Variants in KLRD1 observed in about 807,000 individuals in gnomAD.
The protein encoded by KLRD1 is killer cell lectin like receptor D1.
In KLRD1, 21 loss-of-function variants were observed where a neutral mutation model predicts 22.6. The ratio of observed to expected loss-of-function variants is 0.93; its 90% CI spans 0.66 to 1.34. The LOEUF (loss-of-function observed/expected upper bound fraction) is 1.34, where lower values mean the gene tolerates loss of function less well. Among genes scored for constraint, KLRD1 ranks in the 40% most tolerant of loss-of-function variants. The pLI is 0.00. For missense variants in KLRD1, 183 were observed against 208.6 expected (o/e 0.88, Z 0.76); for synonymous variants, 59 against 71.1 (o/e 0.83, Z 0.85).
chr12:10,300,524 C>T (rs1565464335), upstream of KLRD1, among the ~76,000 whole-genome samples: 1 of 152,202 alleles, frequency 6.6e-6, no homozygotes, highest in East Asian at 1.9e-4. Flanking sequence ...ACCATCCAGA[C>T]TTTGTTTATT....
chr12:10,250,772 C>T (rs116776758), intron 1 of KLRD1, among the ~76,000 whole-genome samples: 3,923 of 152,100 alleles, frequency 0.026, 172 homozygotes, highest in African/African-American at 0.09. Flanking sequence ...CAAGTCAGTA[C>T]GAAGTGGTTT....
chr12:10,277,711 A>T (rs1949604617), intron 1 of KLRD1, among the ~76,000 whole-genome samples: 1 of 152,194 alleles, frequency 6.6e-6, no homozygotes, highest in Admixed American at 6.5e-5. Context: ...TATACTATTT[A>T]GAAATTATAA....
chr12:10,313,649 G>T, intron 5 of KLRD1, 136 bp downstream of exon 5: 5 of 466,966 alleles, frequency 1.1e-5, no homozygotes, highest in African/African-American at 2.0e-5. Context: ...AAAGGAAAAA[G>T]TACAACAAAA....
At chr12:10,312,271 T>C (rs1343780756) in intron 4 of KLRD1, among the ~76,000 whole-genome samples, 1 of 152,014 alleles carries the variant, frequency 6.6e-6, no homozygotes, top group African/African-American at 2.4e-5. Flanking sequence ...AGGCTGGTCT[T>C]GAACTCCTGA....
At position 10,272,111 on chromosome 12, in the gene KLRD1, T is replaced by C. The variant is rs1184689278; in HGVS notation, c.-100-35867T>C. Among the ~76,000 whole-genome samples, 5 of 152,266 alleles carry C rather than the reference T, an allele frequency of 3.3e-5. No homozygotes were observed. In the East Asian group the frequency reaches 9.6e-4, roughly 29 times the overall value. ...GGAAATAGAAGCAAGAGTAGAAATA[T>C]TCAAATTAATTTAAATGCCTATTTC... On this transcript the variant is annotated intron_variant, in intron 1 of 5. Coordinates refer to the KLRD1 transcript ENST00000544747.
chr12:10,241,627 C>G (rs1949241720), intron 1 of KLRD1, among the ~76,000 whole-genome samples: 2 of 151,974 alleles, frequency 1.3e-5, no homozygotes, highest in African/African-American at 2.4e-5. Flanking sequence ...TGCAAGTTTT[C>G]TAAAGTAAAT....
chr12:10,256,947 T>G (rs1280598891), intron 1 of KLRD1, among the ~76,000 whole-genome samples: 4 of 152,022 alleles, frequency 2.6e-5, no homozygotes, highest in South Asian at 4.1e-4. Context: ...TTCACCCTCA[T>G]TTTTTAAGGA....
At chr12:10,241,465 T>C (rs1949240162) in intron 1 of KLRD1, among the ~76,000 whole-genome samples, 1 of 152,232 alleles carries the variant, frequency 6.6e-6, no homozygotes, top group Admixed American at 6.5e-5. Context: ...TTCTTAAATG[T>C]TAATGTGCTA....
At chr12:10,304,752 C>CTTT (rs1949898383), upstream of KLRD1, among the ~76,000 whole-genome samples, 1 of 152,130 alleles carries the variant, frequency 6.6e-6, no homozygotes, top group Admixed American at 6.5e-5. Flanking sequence ...TTTAGACAAT[C>CTTT]TAATACATCC....
intron 1 of KLRD1, among the ~76,000 whole-genome samples, chr12:10,241,520 G>T (rs1482581024): frequency 6.6e-6 from 1 of 152,122 alleles, no homozygotes; most frequent in African/African-American, 2.4e-5. Context: ...CAAAGAGAAG[G>T]CTTCTAGGTC....
At position 10,321,857 on chromosome 12, in the gene KLRD1, A is replaced by G. The variant is rs1042147252; in HGVS notation, c.*7064A>G. On this transcript the variant is annotated 3_prime_UTR_variant, in exon 6 of 6. Transcript: ENST00000336164. ...AGCCTTAGAAAATACAACCCAACCT[A>G]CATTTTTACTGCAACCTCATGAGGG... 2 of 152,154 alleles carry G rather than the reference A, an allele frequency of 1.3e-5. No homozygotes were observed. The highest frequency in any genetic ancestry group is 4.8e-5 in the African/African-American group (2 of 41,426). 9.4% of individuals were successfully genotyped at this position (152,154 alleles called of 1,614,324 possible).
chr12:10,268,812 C>G (rs962940600), intron 1 of KLRD1, among the ~76,000 whole-genome samples: 1 of 152,174 alleles, frequency 6.6e-6, no homozygotes, highest in Non-Finnish European at 1.5e-5. Context: ...TATAAATACT[C>G]TTAATCAAGT....
At chr12:10,262,141 A>G (rs1471875715) in intron 1 of KLRD1, among the ~76,000 whole-genome samples, 1 of 152,116 alleles carries the variant, frequency 6.6e-6, no homozygotes, top group Non-Finnish European at 1.5e-5. Flanking sequence ...TGAACACAAT[A>G]TGTTAAAAAT....
chr12:10,272,887 AT>A (rs1250930470), intron 1 of KLRD1, among the ~76,000 whole-genome samples: 1 of 152,204 alleles, frequency 6.6e-6, no homozygotes, highest in African/African-American at 2.4e-5. Flanking sequence ...CTTAATTGCT[AT>A]TTTTTTAAAA....
Position 10,317,817 on chromosome 12 carries a change from G to A in KLRD1, c.*3024G>A, listed in dbSNP as rs1950263852. 1 of 152,196 alleles carries A rather than the reference G, an allele frequency of 6.6e-6. No homozygotes were observed. Among genetic ancestry groups the A allele is most frequent in the African/African-American group, 2.4e-5 (1 of 41,444 alleles). The allele number at this position is 152,196 out of a possible 1,614,324, so 9.4% of individuals were successfully genotyped here. On this transcript the variant is annotated 3_prime_UTR_variant, in exon 6 of 6. Coordinates refer to ENST00000336164, the MANE Select transcript of KLRD1 (RefSeq NM_002262.5). Reference sequence around the variant, plus strand: ...ATTTAATTGACTCACAGTTCTGCAGGGTTGGAGAAGCCTCAGGAAACTTAC... The same window carrying A: ...ATTTAATTGACTCACAGTTCTGCAGAGTTGGAGAAGCCTCAGGAAACTTAC...
intron 1 of KLRD1, among the ~76,000 whole-genome samples, chr12:10,257,321 C>T (rs1949407218): frequency 6.6e-6 from 1 of 150,428 alleles, no homozygotes; most frequent in African/African-American, 2.4e-5. Context: ...TTTAAATACT[C>T]TTTCTTTTCC....
At chr12:10,249,396 A>C (rs912623720) in intron 1 of KLRD1, among the ~76,000 whole-genome samples, 1 of 152,232 alleles carries the variant, frequency 6.6e-6, no homozygotes, top group Non-Finnish European at 1.5e-5. Flanking sequence ...ATGCTTTCTC[A>C]TTCAATCCCT....
At chr12:10,254,398 C>T (rs1358413915) in intron 1 of KLRD1, among the ~76,000 whole-genome samples, 1 of 140,268 alleles carries the variant, frequency 7.1e-6, no homozygotes, top group African/African-American at 2.7e-5. Context: ...CGCCACTGCA[C>T]TCCAGGCTGG....
intron 1 of KLRD1, among the ~76,000 whole-genome samples, chr12:10,279,375 A>G (rs183696941): frequency 7.9e-5 from 12 of 152,288 alleles, no homozygotes; most frequent in Non-Finnish European, 8.8e-5. Context: ...AGTCACTTAC[A>G]GTTTCAGAAA....
Sources: gnomAD v4.1 joint callset for allele counts (sites outside exome capture counted in the v4.1 genomes callset) on GRCh38, gnomAD v4.1.1 for gene constraint, MANE v1.5 for transcripts, NCBI Gene and HGNC (gene_info 2026-07-23, HGNC 2026-07-21) for gene names.